Variants in PAX2 observed in about 807,000 individuals in gnomAD.
The protein encoded by PAX2 is paired box protein Pax-2.
A neutral mutation model predicts 41.7 loss-of-function variants in PAX2; 9 were observed. The ratio of observed to expected loss-of-function variants is 0.22; its 90% CI spans 0.13 to 0.38. The LOEUF is 0.38. Among genes scored for constraint, PAX2 ranks in the 10% least tolerant of loss-of-function variants. The probability of loss-of-function intolerance (pLI) is 1.00; values close to 1 mark genes in which losing one functional copy is unlikely to be tolerated. For synonymous variants in PAX2, 221 were observed against 212.7 expected, an observed-to-expected ratio of 1.04 and a Z score of -0.34; for missense variants, 418 against 531.6, an observed-to-expected ratio of 0.79 and a Z score of 2.10.
At chr10:100,737,714 G>A (rs947465789) in intron 1 of PAX2, among the ~76,000 whole-genome samples, 1 of 152,176 alleles carries the variant, frequency 6.6e-6, no homozygotes, top group Non-Finnish European at 1.5e-5. Context: ...CGGTAGCCAC[G>A]TTTGGCCGGG....
intron 3 of PAX2, among the ~76,000 whole-genome samples, chr10:100,753,780 C>T (rs1305659220): frequency 6.6e-6 from 1 of 152,154 alleles, no homozygotes; most frequent in Non-Finnish European, 1.5e-5. Context: ...TTGCTTTTTT[C>T]ACTCTTTAAA....
intron 5 of PAX2, among the ~76,000 whole-genome samples, chr10:100,802,804 G>C (rs540622635): frequency 6.6e-6 from 1 of 152,104 alleles, no homozygotes; most frequent in Non-Finnish European, 1.5e-5. Flanking sequence ...AATCACTCAC[G>C]CGCTCTCCTT....
At chr10:100,764,234 C>T (rs1010579587) in intron 3 of PAX2, among the ~76,000 whole-genome samples, 1 of 150,836 alleles carries the variant, frequency 6.6e-6, no homozygotes, top group Non-Finnish European at 1.5e-5. Context: ...ACCTCCGCCT[C>T]CCGGGTTCAT....
chr10:100,767,477 C>T (rs1447790493), intron 3 of PAX2, among the ~76,000 whole-genome samples: 1 of 152,042 alleles, frequency 6.6e-6, no homozygotes, highest in Non-Finnish European at 1.5e-5. Context: ...GTGAAAATGA[C>T]AGAGCTCCAG....
At chr10:100,819,513 T>C (rs1405142103) in intron 7 of PAX2, among the ~76,000 whole-genome samples, 1 of 152,110 alleles carries the variant, frequency 6.6e-6, no homozygotes, top group Non-Finnish European at 1.5e-5. Flanking sequence ...GAGGTTGCAG[T>C]GAGCCGAGAT....
intron 3 of PAX2, among the ~76,000 whole-genome samples, chr10:100,767,722 A>G (rs191471977): frequency 6.6e-6 from 1 of 152,218 alleles, no homozygotes; most frequent in Non-Finnish European, 1.5e-5. Flanking sequence ...TAGCAGGAAC[A>G]TGGCTCCTGA....
chr10:100,749,600 G>A, intron 1 of PAX2, 146 bp from the exon 2 acceptor site: 1 of 1,438,640 alleles, frequency 7.0e-7, no homozygotes, highest in South Asian at 1.5e-5. Flanking sequence ...GCGTGGTCGT[G>A]GAGGTCCACC....
chr10:100,801,728 G>A (rs1847572096), intron 5 of PAX2, among the ~76,000 whole-genome samples: 3 of 152,264 alleles, frequency 2.0e-5, no homozygotes, highest in African/African-American at 7.2e-5. Context: ...AACGAGGGAT[G>A]CCGAGAGGAA....
At position 100,791,845 on chromosome 10, in the gene PAX2, C is replaced by G. The variant is rs1200352842; in HGVS notation, c.616+10480C>G. Among the ~76,000 whole-genome samples, 2 of 152,158 alleles carry G rather than the reference C, an allele frequency of 1.3e-5. No homozygotes were observed. Among genetic ancestry groups the G allele is most frequent in the African/African-American group, 4.8e-5 (2 of 41,434 alleles). ...ATGAGCCCTTGGGCAGTGTGGGCACCTGGGTGGACTGGTGGTGTGGGGAGC... is the reference window on the plus strand; with the variant it reads ...ATGAGCCCTTGGGCAGTGTGGGCACGTGGGTGGACTGGTGGTGTGGGGAGC... On this transcript the variant is annotated intron_variant, in intron 5 of 9. Transcript: ENST00000355243. This position sits in a 1 kb window ranked among gnomAD's most constrained non-coding sequence, Gnocchi z 4.5.
rs775423295 is a variant in PAX2 at position 100,750,757 on chromosome 10, G to A, written c.276G>A (p.Thr92=). 5 of 1,614,170 alleles carry A rather than the reference G, an allele frequency of 3.1e-6. No individual in the cohort carries two copies. Among genetic ancestry groups the A allele is most frequent in the East Asian group, 2.2e-5 (1 of 44,880 alleles). Reference sequence around the variant, plus strand: ...GTGGCTCCAAGCCCAAAGTGGCGACGCCCAAAGTGGTGGACAAGATTGCTG... The same window carrying A: ...GTGGCTCCAAGCCCAAAGTGGCGACACCCAAAGTGGTGGACAAGATTGCTG... ...VIGGSKPKVA[T]PKVVDKIAEY... Residue 92 remains threonine (T), a synonymous_variant, in exon 3 of 10, where the codon ACG becomes ACA. Coordinates refer to ENST00000355243, the MANE Select transcript of PAX2 (RefSeq NM_000278.5). The surrounding 1 kb of genome is among the most constrained non-coding windows in gnomAD (Gnocchi z 4.1).
chr10:100,754,004 C>G (rs1021173981), intron 3 of PAX2, among the ~76,000 whole-genome samples: 1 of 152,180 alleles, frequency 6.6e-6, no homozygotes, highest in Non-Finnish European at 1.5e-5. Context: ...ATTGGGTTAC[C>G]AATGGCTGAG....
At chr10:100,773,996 C>T (rs918693644) in intron 3 of PAX2, among the ~76,000 whole-genome samples, 7 of 151,938 alleles carry the variant, frequency 4.6e-5, no homozygotes, top group African/African-American at 1.7e-4. Context: ...AGGAGACAGA[C>T]AGACAGACAA....
At chr10:100,735,778 G>C in intron 1 of PAX2, 3 of 1,019,472 alleles carry the variant, frequency 2.9e-6, no homozygotes, top group Non-Finnish European at 3.5e-6. Context: ...GAGGACTAGG[G>C]GAGAGGGATG....
chr10:100,749,545 C>T, intron 1 of PAX2: 4 of 1,372,034 alleles, frequency 2.9e-6, no homozygotes, highest in South Asian at 1.9e-5. Flanking sequence ...TCGCCCAGCC[C>T]CCAGTCTTCA....
intron 3 of PAX2, among the ~76,000 whole-genome samples, chr10:100,757,929 A>G (rs1845692432): frequency 6.6e-6 from 1 of 152,186 alleles, no homozygotes. Flanking sequence ...GGGAACTCTC[A>G]GGTAAGAGAG....
chr10:100,753,464 G>C (rs1338895498), intron 3 of PAX2, among the ~76,000 whole-genome samples: 2 of 152,194 alleles, frequency 1.3e-5, no homozygotes, highest in Non-Finnish European at 2.9e-5. Flanking sequence ...CAGAAACTTT[G>C]CCTTTTATCA....
chr10:100,775,562 CGCT>C (rs1309395662), intron 3 of PAX2, among the ~76,000 whole-genome samples: 3 of 152,154 alleles, frequency 2.0e-5, no homozygotes, highest in African/African-American at 7.2e-5. Flanking sequence ...TTCCATCACT[CGCT>C]GCCTCAGCTA....
intron 5 of PAX2, among the ~76,000 whole-genome samples, chr10:100,788,669 TC>T: frequency 6.6e-6 from 1 of 152,270 alleles, no homozygotes; most frequent in Non-Finnish European, 1.5e-5. Context: ...ATCTGAGTGC[TC>T]CCTGCTTGGG....
chr10:100,820,223 C>G (rs1848334050), intron 7 of PAX2, among the ~76,000 whole-genome samples: 2 of 152,158 alleles, frequency 1.3e-5, no homozygotes, highest in Non-Finnish European at 2.9e-5. Flanking sequence ...ACTTCTTTTC[C>G]TTTTCTTTGG....
Sources: allele counts gnomAD v4.1 joint callset (sites outside exome capture counted in the v4.1 genomes callset), GRCh38; gene constraint gnomAD v4.1.1; non-coding constraint Gnocchi (gnomAD v3.1); transcripts MANE v1.5; gene names NCBI Gene and HGNC (gene_info 2026-07-23, HGNC 2026-07-21).